TECTA: variants seen among roughly 807,000 people sequenced by gnomAD.
TECTA encodes the protein tectorin alpha.
TECTA carries 128 observed loss-of-function variants against 216.8 expected under a neutral mutation model. The observed-to-expected ratio is 0.59, with a 90% CI of 0.51 to 0.68. TECTA has a LOEUF of 0.68. Among genes scored for constraint, TECTA ranks in the 30% least tolerant of loss-of-function variants. TECTA has a pLI of 0.00. For synonymous variants in TECTA, 1,089 were observed against 1,117.1 expected, an observed-to-expected ratio of 0.97 and a Z score of 0.50; for missense variants, 2,551 against 2,786.2, an observed-to-expected ratio of 0.92 and a Z score of 1.90.
chr11:121,164,735 A>G (rs986670152), intron 16 of TECTA, among the ~76,000 whole-genome samples: 1 of 152,146 alleles, frequency 6.6e-6, no homozygotes, highest in Non-Finnish European at 1.5e-5. Context: ...CAAGAATCGG[A>G]AAGGACTAAG....
intron 12 of TECTA, among the ~76,000 whole-genome samples, 154 bp from the exon 13 acceptor site, chr11:121,152,727 C>T (rs1946902217): frequency 6.6e-6 from 1 of 152,150 alleles, no homozygotes; most frequent in Non-Finnish European, 1.5e-5. Context: ...TTTCTGTGAG[C>T]AAAGAGGGCA....
rs113450329 is a variant in TECTA at position 121,169,627 on chromosome 11, C to A, written c.5999+702C>A. On this transcript the variant is annotated intron_variant, in intron 20 of 23. Transcript: ENST00000392793. Reference sequence around the variant, plus strand: ...ATTTACTTGCTTTAAGTGTAAAAATCAATGGTTTTTGGTAAATTTGCAGAG... The same window carrying A: ...ATTTACTTGCTTTAAGTGTAAAAATAAATGGTTTTTGGTAAATTTGCAGAG... 8.5e-5 allele frequency among the ~76,000 whole-genome samples: 13 copies of A among 152,232 alleles called. 1 individual carries two copies. The highest frequency in any genetic ancestry group is 3.1e-4 in the African/African-American group (13 of 41,532).
chr11:121,142,634 G>A (rs1373462036), intron 11 of TECTA, among the ~76,000 whole-genome samples: 4 of 152,128 alleles, frequency 2.6e-5, no homozygotes, highest in Non-Finnish European at 5.9e-5. Context: ...GGCACCGATC[G>A]GCCTCTGAGT....
intron 10 of TECTA, among the ~76,000 whole-genome samples, chr11:121,133,979 A>G (rs1946700286): frequency 6.6e-6 from 1 of 151,982 alleles, no homozygotes; most frequent in Non-Finnish European, 1.5e-5. Context: ...TGTTTTTTCC[A>G]GTGGTCTATA....
chr11:121,151,610 C>T (rs896173399), intron 12 of TECTA, among the ~76,000 whole-genome samples: 10 of 152,132 alleles, frequency 6.6e-5, no homozygotes, highest in African/African-American at 1.7e-4. Flanking sequence ...AGTTTGCTAT[C>T]GGAGGTTGCC....
intron 6 of TECTA, among the ~76,000 whole-genome samples, chr11:121,118,022 G>T (rs1361774953): frequency 6.6e-6 from 1 of 152,166 alleles, no homozygotes; most frequent in Non-Finnish European, 1.5e-5. Flanking sequence ...ATGTGAGTTT[G>T]CTCACCAGCC....
In TECTA at chr11:121,162,112, C is replaced by T; in HGVS notation, c.5014C>T (p.Gln1672Ter). 6.2e-7 allele frequency: 1 copy of T among 1,614,176 alleles called. No individual in the cohort carries two copies. Among genetic ancestry groups the T allele is most frequent in the Non-Finnish European group, 8.5e-7 (1 of 1,180,042 alleles). ...CAGCTGCAACGAGCTGCAGTTCTCA[C>T]AGTATGCAGCCATGTGTGACAATGT... is the stretch of plus-strand genomic sequence containing the variant. ...APSCNELQFSQYAAMCDNVHI... is the reference protein window; with the variant it reads ...APSCNELQFS Residue 1672 changes from glutamine to a stop codon, truncating the protein, a stop_gained, in exon 16 of 24, where the codon CAG (glutamine) becomes TAG (stop). Coordinates refer to ENST00000392793, the MANE Select transcript of TECTA (RefSeq NM_005422.4). LOFTEE classifies it high-confidence loss of function.
In TECTA at chr11:121,145,590, G is replaced by A. The variant is rs1946826888; in HGVS notation, c.3579G>A (p.Leu1193=). The change falls in exon 12 of 24, where the codon CTG becomes CTA. Residue 1193 remains leucine (L), a synonymous_variant. Transcript: ENST00000392793. ...AACGGCTCTATCTGCCCCTGAAGCT[G>A]GGGCAAGGGAAGATAAATATCTTTT... The part of the protein sequence containing the change: ...NSERLYLPLK[L]GQGKINIFSF... The A allele has an allele frequency of 6.2e-7, 1 of 1,614,068 alleles. No individual in the cohort carries two copies. The highest frequency in any genetic ancestry group is 2.2e-5 in the East Asian group (1 of 44,894).
At chr11:121,132,261 C>A (rs992942006) in intron 10 of TECTA, among the ~76,000 whole-genome samples, 1 of 152,202 alleles carries the variant, frequency 6.6e-6, no homozygotes, top group African/African-American at 2.4e-5. Flanking sequence ...TCCTACTTAA[C>A]CGATTGTATC....
intron 10 of TECTA, among the ~76,000 whole-genome samples, chr11:121,130,448 C>T (rs1367145138): frequency 1.3e-5 from 2 of 152,202 alleles, no homozygotes; most frequent in East Asian, 1.9e-4. Context: ...GAACAATTAA[C>T]CATCCTATTT....
intron 12 of TECTA, among the ~76,000 whole-genome samples, chr11:121,150,643 ATTT>A (rs202043512): frequency 0.24 from 30,806 of 127,392 alleles, 3,475 homozygotes; most frequent in African/African-American, 0.43. Flanking sequence ...GCCTATTTTA[ATTT>A]TTTTTTTTTT....
chr11:121,154,778 T>C (rs757174005), intron 13 of TECTA, among the ~76,000 whole-genome samples: 3 of 152,240 alleles, frequency 2.0e-5, no homozygotes, highest in Non-Finnish European at 4.4e-5. Context: ...AAATAATCTA[T>C]GCTGGGTTCC....
intron 17 of TECTA, among the ~76,000 whole-genome samples, chr11:121,165,656 T>C (rs1947046018): frequency 6.6e-6 from 1 of 152,206 alleles, no homozygotes; most frequent in African/African-American, 2.4e-5. Context: ...ATTGATCTTT[T>C]AGATGCGCAA....
intron 10 of TECTA, 36 bp downstream of exon 10, chr11:121,130,247 G>A: frequency 1.3e-6 from 2 of 1,595,906 alleles, no homozygotes; most frequent in Non-Finnish European, 1.7e-6. Context: ...AGGCTTTCTA[G>A]CTGGGAAATA....
At chr11:121,122,852 CAA>C (rs58470847) in intron 7 of TECTA, among the ~76,000 whole-genome samples, 71,549 of 145,542 alleles carry the variant, frequency 0.49, 17,403 homozygotes, top group African/African-American at 0.56. Flanking sequence ...GACCCTGTTT[CAA>C]AAAAAAAAAA....
rs755466561 is a variant in TECTA at position 121,162,308 on chromosome 11, A to C, written c.5210A>C (p.Tyr1737Ser). ...KFQLCGSLAA[Y>S]GEACRSFGIL... ...CAGCTGTGCGGCTCCCTGGCCGCCT[A>C]CGGGGAGGCCTGCCGCTCCTTCGGG... is the stretch of plus-strand genomic sequence containing the variant. The change falls in exon 16 of 24, where the codon TAC becomes TCC. Residue 1737 changes from tyrosine (Y) to serine (S), a missense_variant. This residue lies in a region of TECTA where 2,375 missense variants were observed against 2,563.9 expected (regional missense o/e 0.93). Coordinates refer to ENST00000392793, the MANE Select transcript of TECTA (RefSeq NM_005422.4). 2 of 1,613,124 alleles carry C rather than the reference A, an allele frequency of 1.2e-6. No homozygotes were observed. The highest frequency in any genetic ancestry group is 2.7e-5 in the African/African-American group (2 of 74,954).
chr11:121,122,672 CAA>C (rs33994765), intron 7 of TECTA, among the ~76,000 whole-genome samples: 4 of 48,928 alleles, frequency 8.2e-5, no homozygotes, highest in Admixed American at 4.9e-4. Context: ...CCTGTCTCTC[CAA>C]AAAAAAAAAA....
chr11:121,163,724 A>G (rs1356634490), intron 16 of TECTA, among the ~76,000 whole-genome samples: 1 of 152,216 alleles, frequency 6.6e-6, no homozygotes, highest in Non-Finnish European at 1.5e-5. Context: ...GCTTCCCTCT[A>G]TCTAAGGGCA....
Position 121,165,443 on chromosome 11 carries a change from G to T in TECTA, c.5383+60G>T, listed in dbSNP as rs1947043461. On this transcript the variant is annotated intron_variant, in intron 17 of 23. Coordinates refer to ENST00000392793, the MANE Select transcript of TECTA (RefSeq NM_005422.4). Reference sequence around the variant, plus strand: ...GCCCCATGGGAGATGCTGCTCTGGGGAACGACCTTGATGCATCCCACTTTG... The same window carrying T: ...GCCCCATGGGAGATGCTGCTCTGGGTAACGACCTTGATGCATCCCACTTTG... The T allele has an allele frequency of 2.8e-6, 4 of 1,406,422 alleles. No homozygotes were observed. The Admixed American group carries it at 8.0e-5, about 28-fold the overall frequency. 87.1% of individuals were successfully genotyped at this position (1,406,422 alleles called of 1,614,324 possible).
Sources: gnomAD v4.1 joint callset for allele counts (sites outside exome capture counted in the v4.1 genomes callset) on GRCh38, gnomAD v4.1.1 for gene constraint, gnomAD v4.1.1 regional missense constraint, MANE v1.5 for transcripts, NCBI Gene and HGNC (gene_info 2026-07-23, HGNC 2026-07-21) for gene names.